The following KCND2 variants were observed in gnomAD, a reference collection of about 807,000 sequenced individuals.
The protein encoded by KCND2 is potassium voltage-gated channel subfamily D member 2.
In KCND2, 16 loss-of-function variants were observed where a neutral mutation model predicts 54.4. The ratio of observed to expected loss-of-function variants is 0.29; its 90% CI spans 0.20 to 0.45. The LOEUF (loss-of-function observed/expected upper bound fraction) is 0.45, where lower values mean the gene tolerates loss of function less well. Ranked by LOEUF, KCND2 falls within the 20% of genes least tolerant of loss-of-function variation. KCND2 has a pLI of 1.00. For missense variants in KCND2, 486 were observed against 824.2 expected (o/e 0.59, Z 5.02); for synonymous variants, 317 against 310.7 (o/e 1.02, Z -0.21).
chr7:120,706,204 GGGTT>G (rs1792466502), intron 1 of KCND2, among the ~76,000 whole-genome samples: 1 of 152,118 alleles, frequency 6.6e-6, no homozygotes, highest in South Asian at 2.1e-4. Context: ...CTTGGAGTCA[GGGTT>G]GGATACAGCT....
At chr7:120,538,805 T>A (rs1791943539) in intron 1 of KCND2, among the ~76,000 whole-genome samples, 1 of 152,268 alleles carries the variant, frequency 6.6e-6, no homozygotes, top group East Asian at 1.9e-4. Flanking sequence ...ACTGATGCAC[T>A]TTATGAGCTC....
chr7:120,467,727 T>A (rs1802399931), intron 1 of KCND2, among the ~76,000 whole-genome samples: 2 of 152,164 alleles, frequency 1.3e-5, no homozygotes, highest in Non-Finnish European at 2.9e-5. Context: ...TTTTGTCATC[T>A]GCGTTCAGTT....
At chr7:120,727,428 A>G (rs1792747308) in intron 1 of KCND2, among the ~76,000 whole-genome samples, 1 of 152,226 alleles carries the variant, frequency 6.6e-6, no homozygotes, top group Non-Finnish European at 1.5e-5. Context: ...GAATGGATGC[A>G]TTGTCTGCCT....
intron 5 of KCND2, among the ~76,000 whole-genome samples, chr7:120,746,486 A>G (rs1365161138): frequency 7.9e-5 from 12 of 152,166 alleles, no homozygotes; most frequent in African/African-American, 2.9e-4. Context: ...CTTTGCCTAC[A>G]TAAGTCATTT....
chr7:120,541,280 A>G (rs553454057), intron 1 of KCND2, among the ~76,000 whole-genome samples: 2 of 152,312 alleles, frequency 1.3e-5, no homozygotes, highest in East Asian at 1.9e-4. Context: ...TACTACTGCT[A>G]TATAATAGAT....
chr7:120,300,129 C>A (rs140151506), intron 1 of KCND2, among the ~76,000 whole-genome samples: 217 of 152,230 alleles, frequency 1.4e-3, no homozygotes, highest in African/African-American at 5.1e-3. Flanking sequence ...GACAATGACA[C>A]CAGGCTGTAT....
intron 1 of KCND2, among the ~76,000 whole-genome samples, chr7:120,281,359 T>A (rs1194239989): frequency 1.3e-5 from 2 of 151,820 alleles, no homozygotes; most frequent in African/African-American, 4.8e-5. Flanking sequence ...TACATATGTA[T>A]GTATAAGCAT....
At chr7:120,671,209 C>T (rs186422850) in intron 1 of KCND2, among the ~76,000 whole-genome samples, 4 of 152,072 alleles carry the variant, frequency 2.6e-5, no homozygotes, top group South Asian at 2.1e-4. Context: ...CACCAGGGTC[C>T]GGTTTCGTGG....
chr7:120,305,564 G>A (rs1009655621), intron 1 of KCND2, among the ~76,000 whole-genome samples: 1 of 152,148 alleles, frequency 6.6e-6, no homozygotes, highest in African/African-American at 2.4e-5. Context: ...TCTTTTAAAT[G>A]TGTCTTTCAA....
chr7:120,290,941 G>A lies in KCND2; in HGVS notation c.1115+15194G>A, dbSNP rs531045518. 3.2e-3 allele frequency among the ~76,000 whole-genome samples: 486 copies of A among 151,968 alleles called. 3 individuals carry two copies. Among genetic ancestry groups the A allele is most frequent in the African/African-American group, 0.011 (470 of 41,490 alleles). ...AATCTCAGTGGCAGAAAAATGAAGA[G>A]TGTATTCTGGGCACAGTAAGTAGAT... On this transcript the variant is annotated intron_variant, in intron 1 of 5. Transcript: ENST00000331113.
At chr7:120,465,561 A>G (rs1304385182) in intron 1 of KCND2, among the ~76,000 whole-genome samples, 3 of 152,164 alleles carry the variant, frequency 2.0e-5, no homozygotes, top group Non-Finnish European at 4.4e-5. Flanking sequence ...AGAAAGTGGC[A>G]AACGCAAGAA....
intron 1 of KCND2, among the ~76,000 whole-genome samples, chr7:120,342,246 T>C (rs1800250523): frequency 6.6e-6 from 1 of 152,162 alleles, no homozygotes; most frequent in South Asian, 2.1e-4. Context: ...AAGTGTTTTG[T>C]CTCTGGAATG....
intron 1 of KCND2, among the ~76,000 whole-genome samples, chr7:120,685,758 A>C (rs964727249): frequency 2.0e-5 from 3 of 152,234 alleles, no homozygotes; most frequent in African/African-American, 4.8e-5. Flanking sequence ...AAGTTATCTA[A>C]AAATGAGGAA....
At chr7:120,564,258 A>C (rs1792270862) in intron 1 of KCND2, among the ~76,000 whole-genome samples, 1 of 152,176 alleles carries the variant, frequency 6.6e-6, no homozygotes, top group Non-Finnish European at 1.5e-5. Flanking sequence ...TCACAGATAA[A>C]GCTGCTTTTA....
chr7:120,442,947 T>C (rs900061840), intron 1 of KCND2, among the ~76,000 whole-genome samples: 1 of 152,184 alleles, frequency 6.6e-6, no homozygotes. Context: ...TACTTCACTT[T>C]ACTTCGTTCT....
At chr7:120,412,003 C>T (rs1298585569) in intron 1 of KCND2, among the ~76,000 whole-genome samples, 2 of 151,862 alleles carry the variant, frequency 1.3e-5, no homozygotes, top group Non-Finnish European at 2.9e-5. Context: ...GATAGGTAAG[C>T]TTTCATTAAT....
At chr7:120,742,262 G>T in intron 3 of KCND2, 1 of 461,442 alleles carries the variant, frequency 2.2e-6, no homozygotes, top group Admixed American at 3.4e-5. Flanking sequence ...GTTGCTAGTT[G>T]AATGAGTAAA....
intron 1 of KCND2, among the ~76,000 whole-genome samples, chr7:120,522,649 C>G (rs973473478): frequency 6.6e-6 from 1 of 152,130 alleles, no homozygotes; most frequent in South Asian, 2.1e-4. Context: ...AATAACAATC[C>G]TGAGAATCAT....
intron 1 of KCND2, among the ~76,000 whole-genome samples, chr7:120,514,386 GA>G (rs1562860640): frequency 3.9e-5 from 6 of 152,088 alleles, no homozygotes; most frequent in Admixed American, 1.3e-4. Context: ...CAGGTTTCTC[GA>G]AAACAGTATA....
Sources: gnomAD v4.1 joint callset for allele counts (sites outside exome capture counted in the v4.1 genomes callset) on GRCh38, gnomAD v4.1.1 for gene constraint, MANE v1.5 for transcripts, NCBI Gene and HGNC (gene_info 2026-07-23, HGNC 2026-07-21) for gene names.